Variants in SCAPER observed in about 807,000 individuals in gnomAD.
The protein encoded by SCAPER is S-phase cyclin A associated protein in the ER, also known as S phase cyclin A-associated protein in the endoplasmic reticulum.
A neutral mutation model predicts 182.2 loss-of-function variants in SCAPER; 98 were observed. The observed-to-expected ratio is 0.54, with a 90% CI of 0.46 to 0.64. The LOEUF is 0.64. SCAPER is among the 30% of genes least tolerant of loss of function. The pLI, the probability that SCAPER is intolerant of heterozygous loss-of-function variation, is 0.00. For missense variants in SCAPER, 1,432 were observed against 1,690.0 expected (o/e 0.85, Z 2.68); for synonymous variants, 605 against 564.6 (o/e 1.07, Z -1.01).
chr15:76,688,595 A>G (rs2058166416), intron 20 of SCAPER, among the ~76,000 whole-genome samples: 1 of 152,088 alleles, frequency 6.6e-6, no homozygotes, highest in Non-Finnish European at 1.5e-5. Context: ...ATTCATCTTG[A>G]GTTAATTTTT....
chr15:76,642,961 T>A (rs2054221848), intron 21 of SCAPER, among the ~76,000 whole-genome samples: 1 of 152,106 alleles, frequency 6.6e-6, no homozygotes, highest in Non-Finnish European at 1.5e-5. Flanking sequence ...AAAAATAGGT[T>A]TCAATTAAAA....
intron 17 of SCAPER, among the ~76,000 whole-genome samples, chr15:76,718,753 G>C (rs1455721327): frequency 2.0e-5 from 3 of 151,888 alleles, no homozygotes; most frequent in Non-Finnish European, 4.4e-5. Context: ...GTAAAGAATC[G>C]CCATAGACAT....
At chr15:76,631,617 A>G (rs754345787) in intron 21 of SCAPER, among the ~76,000 whole-genome samples, 6 of 152,016 alleles carry the variant, frequency 3.9e-5, no homozygotes, top group Non-Finnish European at 7.4e-5. Flanking sequence ...CTGACCCCCA[A>G]TCTTTTCTGG....
In SCAPER at chr15:76,375,890, C is replaced by G. The variant is rs2042529147; in HGVS notation, c.3855+272G>C. ...ATCCCAGCTACTTGGGAGGCTGAGG[C>G]ATGAGAATCGCTTGAACCTGGGAGG... On this transcript the variant is annotated intron_variant, in intron 29 of 31. Coordinates refer to ENST00000563290, the MANE Select transcript of SCAPER (RefSeq NM_020843.4). Among the ~76,000 whole-genome samples, 5 of 152,176 alleles carry G rather than the reference C, an allele frequency of 3.3e-5. 1 individual carries two copies. The South Asian group carries it at 1.0e-3, about 32-fold the overall frequency.
intron 15 of SCAPER, among the ~76,000 whole-genome samples, chr15:76,735,213 G>GAT (rs1226375262): frequency 6.6e-6 from 1 of 151,322 alleles, no homozygotes; most frequent in African/African-American, 2.4e-5. Flanking sequence ...GATAGATATA[G>GAT]ATATATATAT....
intron 17 of SCAPER, among the ~76,000 whole-genome samples, chr15:76,708,650 A>G (rs1344421580): frequency 6.6e-6 from 1 of 152,214 alleles, no homozygotes; most frequent in Non-Finnish European, 1.5e-5. Context: ...AGCAAAAACC[A>G]GAAACACAAC....
intron 3 of SCAPER, among the ~76,000 whole-genome samples, chr15:76,858,910 T>A (rs1382094656): frequency 1.3e-5 from 2 of 152,236 alleles, no homozygotes; most frequent in African/African-American, 2.4e-5. Flanking sequence ...TTTTTGCTGT[T>A]GAAAGTAGTG....
intron 23 of SCAPER, among the ~76,000 whole-genome samples, chr15:76,569,542 T>C (rs2047287111): frequency 6.6e-6 from 1 of 152,162 alleles, no homozygotes; most frequent in South Asian, 2.1e-4. Flanking sequence ...GATTTCTTTT[T>C]ATTTACCCTG....
chr15:76,474,828 G>A (rs1204884614), intron 24 of SCAPER, among the ~76,000 whole-genome samples: 5 of 152,122 alleles, frequency 3.3e-5, no homozygotes. Flanking sequence ...CACAGTGCTT[G>A]CCAAATTTTT....
At position 76,765,460 on chromosome 15, in the gene SCAPER, C is replaced by T. The variant is rs1458086084; in HGVS notation, c.1496-6G>A. ...TTGGCGCCAAGACTCACGAGCTGTT[C>T]AGAAAAAAATACTATTATTGTTTAG... On this transcript the variant is annotated splice_region_variant and splice_polypyrimidine_tract_variant and intron_variant, in intron 12 of 31. Coordinates refer to ENST00000563290, the MANE Select transcript of SCAPER (RefSeq NM_020843.4). 1 of 1,611,750 alleles carries T rather than the reference C, an allele frequency of 6.2e-7. No individual in the cohort carries two copies. Among genetic ancestry groups the T allele is most frequent in the Non-Finnish European group, 8.5e-7 (1 of 1,179,034 alleles).
At position 76,484,386 on chromosome 15, in the gene SCAPER, T is replaced by A. The variant is rs2051411391; in HGVS notation, c.2955-13051A>T. 3.3e-5 allele frequency among the ~76,000 whole-genome samples: 5 copies of A among 151,498 alleles called. No homozygotes were observed. In the South Asian group the frequency reaches 1.0e-3, roughly 32 times the overall value. The stretch of plus-strand genomic sequence containing the variant: ...ACATCTATTTACATAAACTAGAAAA[T>A]CTAGAAGAAATGAAAAAATTCCTGG... On this transcript the variant is annotated intron_variant, in intron 24 of 31. Coordinates refer to ENST00000563290, the MANE Select transcript of SCAPER (RefSeq NM_020843.4).
chr15:76,441,623 TC>T (rs2047608037), intron 25 of SCAPER, among the ~76,000 whole-genome samples: 1 of 152,158 alleles, frequency 6.6e-6, no homozygotes, highest in African/African-American at 2.4e-5. Context: ...GGAATATCTT[TC>T]CCCCAGGTAA....
intron 17 of SCAPER, among the ~76,000 whole-genome samples, chr15:76,714,958 C>G (rs2059809368): frequency 6.6e-6 from 1 of 151,908 alleles, no homozygotes; most frequent in Admixed American, 6.6e-5. Context: ...AAAAAAAACA[C>G]ATAAAAAGCA....
At chr15:76,534,721 G>A (rs1373844472) in intron 23 of SCAPER, among the ~76,000 whole-genome samples, 2 of 152,108 alleles carry the variant, frequency 1.3e-5, no homozygotes, top group African/African-American at 4.8e-5. Flanking sequence ...CCGATAGGAT[G>A]AATAGTTCTC....
chr15:76,605,755 G>A lies in SCAPER; in HGVS notation c.2711+16009C>T, dbSNP rs186464003. Reference sequence around the variant, plus strand: ...CTTCTTCCTGGTTTAGTCTTGGGAGGATGTATGTGTCGATGAATTTATCCA... The same window carrying A: ...CTTCTTCCTGGTTTAGTCTTGGGAGAATGTATGTGTCGATGAATTTATCCA... On this transcript the variant is annotated intron_variant, in intron 22 of 31. Coordinates refer to ENST00000563290, the MANE Select transcript of SCAPER (RefSeq NM_020843.4). Among the ~76,000 whole-genome samples the A allele has an allele frequency of 5.9e-5, 9 of 152,278 alleles. No individual in the cohort carries two copies. In the South Asian group the frequency reaches 1.9e-3, roughly 32 times the overall value.
At chr15:76,417,518 G>A (rs1482629946) in intron 26 of SCAPER, among the ~76,000 whole-genome samples, 2 of 152,162 alleles carry the variant, frequency 1.3e-5, no homozygotes, top group Non-Finnish European at 2.9e-5. Context: ...AACTTAATAG[G>A]ACATTGCTGT....
chr15:76,737,849 A>G (rs1440877257), intron 15 of SCAPER, among the ~76,000 whole-genome samples: 1 of 152,122 alleles, frequency 6.6e-6, no homozygotes, highest in African/African-American at 2.4e-5. Context: ...AACCTCTGCT[A>G]TCTTCAAACT....
At chr15:76,359,911 C>A (rs563524827) in intron 29 of SCAPER, among the ~76,000 whole-genome samples, 23 of 152,128 alleles carry the variant, frequency 1.5e-4, no homozygotes, top group Non-Finnish European at 2.6e-4. Flanking sequence ...CTAATTGGTG[C>A]CTTGACTTGG....
Position 76,608,276 on chromosome 15 carries a change from G to C in SCAPER, c.2711+13488C>G, listed in dbSNP as rs113749534. ...TGCAGGTCTGTTAGAGTTTGCTAGA[G>C]GTCCACTCCAGACACTGTTTGCCTG... On this transcript the variant is annotated intron_variant, in intron 22 of 31. Transcript: ENST00000563290. Among the ~76,000 whole-genome samples the C allele has an allele frequency of 2.0e-3, 298 of 152,310 alleles. 3 individuals are homozygous for C. Among genetic ancestry groups the C allele is most frequent in the African/African-American group, 6.5e-3 (270 of 41,562 alleles).
Sources: gnomAD v4.1 joint callset for allele counts (sites outside exome capture counted in the v4.1 genomes callset) on GRCh38, gnomAD v4.1.1 for gene constraint, MANE v1.5 for transcripts, NCBI Gene and HGNC (gene_info 2026-07-23, HGNC 2026-07-21) for gene names.